Variants in NAA15 observed in about 807,000 individuals in gnomAD.
The protein encoded by NAA15 is N-terminal acetyltransferase.
In NAA15, 34 loss-of-function variants were observed where a neutral mutation model predicts 114.0. That is an observed-to-expected ratio of 0.30 (90% CI 0.23 to 0.40). The LOEUF is 0.40. NAA15 is among the 10% of genes least tolerant of loss of function. The pLI, the probability that NAA15 is intolerant of heterozygous loss-of-function variation, is 1.00. For missense variants in NAA15, 658 were observed against 1,004.5 expected (o/e 0.66, Z 4.66); for synonymous variants, 340 against 338.0 (o/e 1.01, Z -0.06).
At chr4:139,367,152 A>G (rs780700708) in intron 14 of NAA15, among the ~76,000 whole-genome samples, 2 of 152,208 alleles carry the variant, frequency 1.3e-5, no homozygotes, top group Non-Finnish European at 2.9e-5. Context: ...TACACACCCA[A>G]TATAAAATGA....
At chr4:139,361,650 C>G in intron 13 of NAA15, 74 bp from the exon 14 acceptor site, 2 of 887,860 alleles carry the variant, frequency 2.3e-6, no homozygotes, top group Non-Finnish European at 3.3e-6. Context: ...AACAAGTATT[C>G]CAATGCTTTG....
At chr4:139,327,097 G>A (rs1317503103) in intron 1 of NAA15, among the ~76,000 whole-genome samples, 1 of 151,976 alleles carries the variant, frequency 6.6e-6, no homozygotes, top group Non-Finnish European at 1.5e-5. Context: ...CACCATGCCT[G>A]GCTAATTTTT....
chr4:139,361,897 C>A lies in NAA15; in HGVS notation c.1713C>A (p.Asn571Lys). The change falls in exon 14 of 20, where the codon AAC becomes AAA. Residue 571 changes from asparagine (N) to lysine (K), a missense_variant. Asn to Lys is a moderately conservative substitution (Grantham distance 94). Coordinates refer to ENST00000296543, the MANE Select transcript of NAA15 (RefSeq NM_057175.5). Reference protein sequence around the residue: ...AIEIYLKLHDNPLTDENKEHE... With the variant: ...AIEIYLKLHDKPLTDENKEHE... ...AGATCTATTTGAAGCTTCATGACAA[C>A]CCCCTTACAGATGAGAATAAAGAAC... is the stretch of plus-strand genomic sequence containing the variant. The A allele has an allele frequency of 6.2e-7, 1 of 1,613,558 alleles. No homozygotes were observed. The highest frequency in any genetic ancestry group is 8.5e-7 in the Non-Finnish European group (1 of 1,179,722).
intron 16 of NAA15, 38 bp from the exon 17 acceptor site, chr4:139,378,718 C>A (rs750981345): frequency 7.3e-7 from 1 of 1,364,124 alleles, no homozygotes; most frequent in Admixed American, 2.3e-5. Context: ...GGCCTCTTAT[C>A]CAATGATCAA....
chr4:139,362,073 A>G, intron 14 of NAA15, 136 bp downstream of exon 14: 1 of 491,270 alleles, frequency 2.0e-6, no homozygotes, highest in East Asian at 3.4e-5. Context: ...TCTAAACAAC[A>G]AAAGAAAAAT....
In NAA15 at chr4:139,370,292, A is replaced by C; in HGVS notation, c.1835A>C (p.Lys612Thr). 6.3e-7 allele frequency: 1 copy of C among 1,598,544 alleles called. No homozygotes were observed. The highest frequency in any genetic ancestry group is 8.5e-7 in the Non-Finnish European group (1 of 1,171,982). The change falls in exon 15 of 20, where the codon AAA (lysine) becomes ACA (threonine). Residue 612 changes from lysine to threonine, a missense_variant. Physicochemically the swap from Lys to Thr is moderately conservative, Grantham distance 78 (BLOSUM62 -1). Transcript: ENST00000296543. ...AAGAAAGCCCAGATAGAAGAAGAGA[A>C]AAAAAATGCAGAAAAAGAAAAGCAG... is the stretch of plus-strand genomic sequence containing the variant. Reference protein sequence around the residue: ...AQKKAQIEEEKKNAEKEKQQR... With the variant: ...AQKKAQIEEETKNAEKEKQQR...
chr4:139,350,061 C>T (rs1747729078), intron 7 of NAA15, among the ~76,000 whole-genome samples: 1 of 152,026 alleles, frequency 6.6e-6, no homozygotes, highest in South Asian at 2.1e-4. Context: ...GTTCTGAAAC[C>T]TCTCTTTTAT....
intron 1 of NAA15, among the ~76,000 whole-genome samples, chr4:139,322,668 C>G (rs12639667): frequency 0.055 from 8,328 of 152,186 alleles, 258 homozygotes; most frequent in East Asian, 0.1. Context: ...CCTGTTCAGC[C>G]TACTCTGTGT....
chr4:139,381,429 T>C (rs967356115), intron 17 of NAA15, among the ~76,000 whole-genome samples: 2 of 152,002 alleles, frequency 1.3e-5, no homozygotes. Context: ...CTTAGGTCTT[T>C]TTCCTCTCCC....
Position 139,301,604 on chromosome 4 carries a change from A to C in NAA15, c.-174A>C. ...CGTTAAGTGAGAAAGGAAAAAAGAC[A>C]ACGAGGAAAAAGGAGGTGTCCGGGT... On this transcript the variant is annotated 5_prime_UTR_variant, in exon 1 of 20. Transcript: ENST00000296543. 1.5e-6 allele frequency: 1 copy of C among 666,848 alleles called. No individual in the cohort carries two copies. 41.3% of individuals were successfully genotyped at this position (666,848 alleles called of 1,614,324 possible).
At chr4:139,309,296 C>T (rs977722663) in intron 1 of NAA15, among the ~76,000 whole-genome samples, 3 of 149,232 alleles carry the variant, frequency 2.0e-5, no homozygotes, top group East Asian at 2.0e-4. Context: ...TGCAGTGAGC[C>T]GAGATCGCGC....
chr4:139,307,378 C>T (rs1253741706), intron 1 of NAA15, among the ~76,000 whole-genome samples: 2 of 152,230 alleles, frequency 1.3e-5, no homozygotes, highest in East Asian at 1.9e-4. Flanking sequence ...AAGCTATCCT[C>T]CTAGCTCAGT....
intron 1 of NAA15, among the ~76,000 whole-genome samples, chr4:139,323,052 T>C (rs1381239380): frequency 7.2e-6 from 1 of 139,816 alleles, no homozygotes. Context: ...TCTTTTCTTT[T>C]CTTTTTTTTT....
At chr4:139,336,808 T>G (rs201870495) in intron 2 of NAA15, 40 bp from the exon 3 acceptor site, 405 of 1,231,300 alleles carry the variant, frequency 3.3e-4, no homozygotes, top group Non-Finnish European at 3.8e-4. Context: ...AATATTTATT[T>G]TTTTAAAATG....
chr4:139,318,121 A>G (rs534190028), intron 1 of NAA15, among the ~76,000 whole-genome samples: 2 of 152,264 alleles, frequency 1.3e-5, no homozygotes, highest in East Asian at 3.9e-4. Context: ...TTCCAAAGAT[A>G]AAGACCAATG....
At position 139,342,769 on chromosome 4, in the gene NAA15, G is replaced by A. The variant is rs1203302775; in HGVS notation, c.403-57G>A. The A allele has an allele frequency of 3.2e-6, 5 of 1,541,094 alleles. No homozygotes were observed. In the African/African-American group the frequency reaches 4.1e-5, roughly 13 times the overall value. ...GGCCTAATATGGAGATCTTTTAAAG[G>A]AGCACTTGCTGTTACTAAAAGCCTA... On this transcript the variant is annotated intron_variant, in intron 4 of 19. Transcript: ENST00000296543.
At chr4:139,350,719 G>T (rs1230487978) in intron 7 of NAA15, among the ~76,000 whole-genome samples, 1 of 152,206 alleles carries the variant, frequency 6.6e-6, no homozygotes, top group African/African-American at 2.4e-5. Context: ...GATGATGGAG[G>T]AATCTAAGAT....
chr4:139,377,409 A>G (rs1288921510), intron 16 of NAA15, among the ~76,000 whole-genome samples: 4 of 151,950 alleles, frequency 2.6e-5, no homozygotes, highest in Admixed American at 2.6e-4. Flanking sequence ...GTGGTGGCAC[A>G]TGCCTGTAAT....
In NAA15 at chr4:139,384,910, C is replaced by T. The variant is rs1364041888; in HGVS notation, c.2234C>T (p.Thr745Met). Residue 745 changes from threonine to methionine, a missense_variant, in exon 18 of 20, where the codon ACG (threonine) becomes ATG (methionine). By Grantham distance (81) the Thr-to-Met change is moderately conservative. Transcript: ENST00000296543. ...GAAATGAATCGTCTTTTTGGAGCAA[C>T]GAATCCAAAGAATTTTAATGAAACT... is the stretch of plus-strand genomic sequence containing the variant. Reference protein sequence around the residue: ...KQEMNRLFGATNPKNFNETFL... With the variant: ...KQEMNRLFGAMNPKNFNETFL... The T allele has an allele frequency of 1.9e-6, 3 of 1,561,524 alleles. No homozygotes were observed. Among genetic ancestry groups the T allele is most frequent in the Non-Finnish European group, 1.7e-6 (2 of 1,153,224 alleles).
Sources: allele counts gnomAD v4.1 joint callset (sites outside exome capture counted in the v4.1 genomes callset), GRCh38; gene constraint gnomAD v4.1.1; transcripts MANE v1.5; gene names NCBI Gene and HGNC (gene_info 2026-07-23, HGNC 2026-07-21).